Variants in FBXW11 observed in about 807,000 individuals in gnomAD.
The protein encoded by FBXW11 is F-box and WD repeat domain containing 11, also known as F-box/WD repeat-containing protein 11.
In FBXW11, 19 loss-of-function variants were observed where a neutral mutation model predicts 77.6. The observed-to-expected ratio is 0.24, with a 90% CI of 0.17 to 0.36. FBXW11 has a LOEUF of 0.36. Among genes scored for constraint, FBXW11 ranks in the 10% least tolerant of loss-of-function variants. FBXW11 has a pLI of 1.00. For missense variants in FBXW11, 334 were observed against 704.2 expected (o/e 0.47, Z 5.95); for synonymous variants, 235 against 249.4 (o/e 0.94, Z 0.54).
At chr5:171,986,145 C>T (rs1196473502) in intron 1 of FBXW11, among the ~76,000 whole-genome samples, 2 of 152,208 alleles carry the variant, frequency 1.3e-5, no homozygotes, top group African/African-American at 2.4e-5. Flanking sequence ...CGGTGGCTCA[C>T]ATCTATAATA....
At position 171,957,740 on chromosome 5, in the gene FBXW11, A is replaced by T. The variant is rs765712604; in HGVS notation, c.46-42T>A. ...AGGAAGGAAGAGAAGAAGCAGTTAG[A>T]GGCCGCAACAAATCACTCCTTCACA... On this transcript the variant is annotated intron_variant, in intron 1 of 13. Coordinates refer to ENST00000517395, the MANE Select transcript of FBXW11 (RefSeq NM_001378974.1). 1.2e-5 allele frequency: 18 copies of T among 1,540,940 alleles called. No individual in the cohort carries two copies. In the East Asian group the frequency reaches 2.5e-4, roughly 21 times the overall value.
intron 4 of FBXW11, among the ~76,000 whole-genome samples, chr5:171,908,348 G>C (rs1760663161): frequency 6.6e-6 from 1 of 151,992 alleles, no homozygotes. Context: ...CAGTACTTGG[G>C]GCCAATTTAA....
rs141467394 is a variant in FBXW11 at position 171,916,453 on chromosome 5, A to G, written c.148-2048T>C. ...AGGGTGGGGCTCTATGTGAAAATCA[A>G]CCATGAGCTAGAGAGGAAGGCAGTG... On this transcript the variant is annotated intron_variant, in intron 2 of 13. Transcript: ENST00000517395. The G allele has an allele frequency of 5.1e-4, 500 of 985,386 alleles. 2 individuals carry two copies. The African/African-American group carries it at 7.3e-3, about 14-fold the overall frequency. The allele number at this position is 985,386 out of a possible 1,614,324, so 61.0% of individuals were successfully genotyped here.
intron 2 of FBXW11, among the ~76,000 whole-genome samples, chr5:171,944,301 G>A (rs190884225): frequency 2.2e-4 from 33 of 151,762 alleles, no homozygotes; most frequent in African/African-American, 6.0e-4. Flanking sequence ...AGAAGGCCGG[G>A]CGCTGTGGCT....
intron 1 of FBXW11, among the ~76,000 whole-genome samples, chr5:171,980,279 C>T (rs1372435575): frequency 1.3e-5 from 2 of 152,168 alleles, no homozygotes; most frequent in Non-Finnish European, 2.9e-5. Flanking sequence ...CTCTACTTTA[C>T]TTTTTACAGA....
chr5:171,958,593 C>T (rs1435553595), intron 1 of FBXW11, among the ~76,000 whole-genome samples: 5 of 152,062 alleles, frequency 3.3e-5, no homozygotes, highest in Admixed American at 2.6e-4. Flanking sequence ...TTTACCTCTT[C>T]GATCCTCTTT....
intron 1 of FBXW11, among the ~76,000 whole-genome samples, chr5:171,981,065 G>A (rs1268397105): frequency 1.3e-5 from 2 of 152,148 alleles, no homozygotes; most frequent in East Asian, 1.9e-4. Context: ...CGGGAGAGGA[G>A]CTAGGAATTG....
At chr5:171,946,466 C>A (rs1429451725) in intron 2 of FBXW11, among the ~76,000 whole-genome samples, 1 of 152,212 alleles carries the variant, frequency 6.6e-6, no homozygotes, top group Non-Finnish European at 1.5e-5. Context: ...AGAAGCCCCA[C>A]AGAATTTCTA....
At chr5:171,960,329 C>CGCA (rs1488412942) in intron 1 of FBXW11, among the ~76,000 whole-genome samples, 1 of 152,140 alleles carries the variant, frequency 6.6e-6, no homozygotes, top group Non-Finnish European at 1.5e-5. Context: ...GAGCCAAGAT[C>CGCA]GCAGCACTAT....
chr5:171,947,522 G>A (rs1763075694), intron 2 of FBXW11, among the ~76,000 whole-genome samples: 1 of 151,396 alleles, frequency 6.6e-6, no homozygotes, highest in Non-Finnish European at 1.5e-5. Context: ...ACAACATAGG[G>A]AGGCCCCATC....
chr5:171,915,073 C>T (rs1043948850), intron 2 of FBXW11, among the ~76,000 whole-genome samples: 5 of 152,142 alleles, frequency 3.3e-5, no homozygotes, highest in African/African-American at 1.2e-4. Flanking sequence ...TCAATAGATG[C>T]CCATTAACTA....
intron 6 of FBXW11, among the ~76,000 whole-genome samples, chr5:171,895,138 T>C (rs573140863): frequency 2.6e-5 from 4 of 152,274 alleles, no homozygotes; most frequent in African/African-American, 9.6e-5. Context: ...GGTGCACCTC[T>C]TTATATGGAT....
intron 1 of FBXW11, among the ~76,000 whole-genome samples, chr5:171,958,716 A>ACT (rs1350181092): frequency 1.3e-5 from 2 of 152,236 alleles, no homozygotes; most frequent in Non-Finnish European, 2.9e-5. Flanking sequence ...GTTAATAACC[A>ACT]TTAGACCATA....
chr5:171,952,798 C>T (rs1581247794), intron 2 of FBXW11, among the ~76,000 whole-genome samples: 1 of 151,842 alleles, frequency 6.6e-6, no homozygotes, highest in African/African-American at 2.4e-5. Flanking sequence ...GCCCCCAGGA[C>T]GGCTTTGAAT....
intron 1 of FBXW11, among the ~76,000 whole-genome samples, chr5:171,998,082 G>A (rs1394702113): frequency 3.3e-5 from 5 of 152,038 alleles, no homozygotes; most frequent in African/African-American, 4.8e-5. Context: ...GGAGCACTAT[G>A]GACTCCACAG....
At chr5:171,949,997 C>T (rs1763220178) in intron 2 of FBXW11, among the ~76,000 whole-genome samples, 1 of 152,098 alleles carries the variant, frequency 6.6e-6, no homozygotes, top group South Asian at 2.1e-4. Context: ...TACAATGATG[C>T]TTAACTCCAC....
At chr5:171,910,359 G>A (rs1760804074) in intron 4 of FBXW11, among the ~76,000 whole-genome samples, 1 of 152,034 alleles carries the variant, frequency 6.6e-6, no homozygotes, top group African/African-American at 2.4e-5. Flanking sequence ...AAGCTACTGC[G>A]CCTGGCCAGG....
chr5:171,912,073 C>G (rs892955229), intron 3 of FBXW11, among the ~76,000 whole-genome samples: 1 of 152,216 alleles, frequency 6.6e-6, no homozygotes. Flanking sequence ...GAACCAAGAG[C>G]TTTCACTATC....
At chr5:171,992,123 A>G (rs995099071) in intron 1 of FBXW11, among the ~76,000 whole-genome samples, 1 of 149,222 alleles carries the variant, frequency 6.7e-6, no homozygotes, top group African/African-American at 2.5e-5. Context: ...TTAAAAAGAA[A>G]AAAAGAAAAA....
Sources: gnomAD v4.1 joint callset for allele counts (sites outside exome capture counted in the v4.1 genomes callset) on GRCh38, gnomAD v4.1.1 for gene constraint, MANE v1.5 for transcripts, NCBI Gene and HGNC (gene_info 2026-07-23, HGNC 2026-07-21) for gene names.